Variants in RNF214 observed in about 807,000 individuals in gnomAD.
The protein encoded by RNF214 is ring finger protein 214.
Under a neutral mutation model 75.9 loss-of-function variants are expected in RNF214, and 25 were observed. The observed-to-expected ratio is 0.33, with a 90% CI of 0.24 to 0.46. RNF214 has a LOEUF of 0.46. Ranked by LOEUF, RNF214 falls within the 20% of genes least tolerant of loss-of-function variation. RNF214 has a pLI of 1.00. For synonymous variants in RNF214, 314 were observed against 308.8 expected (o/e 1.02, Z -0.18); for missense variants, 725 against 857.5 (o/e 0.85, Z 1.93).
chr11:117,269,860 A>G (rs1018884480), intron 6 of RNF214, among the ~76,000 whole-genome samples: 4 of 152,218 alleles, frequency 2.6e-5, no homozygotes, highest in African/African-American at 9.7e-5. Flanking sequence ...ATGTCATCAT[A>G]AGTTGAAACT....
At chr11:117,253,415 G>A (rs2033447346) in intron 6 of RNF214, among the ~76,000 whole-genome samples, 1 of 152,284 alleles carries the variant, frequency 6.6e-6, no homozygotes, top group South Asian at 2.1e-4. Flanking sequence ...CCTGGAAATT[G>A]TCTTGCTTTT....
intron 6 of RNF214, among the ~76,000 whole-genome samples, chr11:117,261,089 G>T (rs1195660914): frequency 2.6e-5 from 4 of 152,008 alleles, no homozygotes; most frequent in Admixed American, 6.6e-5. Flanking sequence ...GAATAGAAGT[G>T]GTAAAGTAGA....
At chr11:117,283,818 A>G (rs892551087) in intron 14 of RNF214, among the ~76,000 whole-genome samples, 5 of 150,466 alleles carry the variant, frequency 3.3e-5, no homozygotes, top group African/African-American at 7.4e-5. Context: ...ATGCCCAGCT[A>G]ATTTTTTTTT....
intron 6 of RNF214, among the ~76,000 whole-genome samples, chr11:117,247,936 A>C (rs1217723466): frequency 6.6e-6 from 1 of 152,134 alleles, no homozygotes; most frequent in Non-Finnish European, 1.5e-5. Context: ...TGTGTTATTC[A>C]GCATCCAAAG....
At position 117,282,247 on chromosome 11, in the gene RNF214, G is replaced by C; in HGVS notation, c.1689G>C (p.Leu563=). Reference sequence around the variant, plus strand: ...TGGAGAAGATCCTGGAGAAGCTGCTGACCCGGTTCCCACAGTGCAATAAGT... The same window carrying C: ...TGGAGAAGATCCTGGAGAAGCTGCTCACCCGGTTCCCACAGTGCAATAAGT... The part of the protein sequence containing the change: ...DKLEKILEKL[L]TRFPQCNKAQ... The change falls in exon 11 of 15, where the codon CTG becomes CTC. Residue 563 remains leucine, a synonymous_variant. Transcript: ENST00000300650. The C allele has an allele frequency of 1.2e-6, 2 of 1,600,280 alleles. No homozygotes were observed. Among genetic ancestry groups the C allele is most frequent in the Non-Finnish European group, 1.7e-6 (2 of 1,172,752 alleles).
At chr11:117,264,521 T>C (rs2134397218) in intron 6 of RNF214, among the ~76,000 whole-genome samples, 1 of 152,218 alleles carries the variant, frequency 6.6e-6, no homozygotes, top group South Asian at 2.1e-4. Flanking sequence ...CCCACAAAAA[T>C]TAAAAATTAA....
intron 6 of RNF214, among the ~76,000 whole-genome samples, chr11:117,278,608 A>G (rs1424983786): frequency 6.6e-6 from 1 of 152,204 alleles, no homozygotes; most frequent in Non-Finnish European, 1.5e-5. Flanking sequence ...AGAGTTGGTC[A>G]CTGTCATGCT....
At position 117,281,365 on chromosome 11, in the gene RNF214, G is replaced by A; in HGVS notation, c.1197G>A (p.Thr399=). ...ETVRSKQEWE[T]RLNGVRIMKK... is the part of the protein sequence containing the mutation. ...TTCGTTCCAAACAGGAGTGGGAGAC[G>A]AGACTGAATGGAGTTCGGATAATGA... Residue 399 remains threonine (T), a synonymous_variant, in exon 9 of 15, where the codon ACG becomes ACA. Transcript: ENST00000300650. The A allele has an allele frequency of 6.2e-7, 1 of 1,613,446 alleles. No individual in the cohort carries two copies. The highest frequency in any genetic ancestry group is 8.5e-7 in the Non-Finnish European group (1 of 1,179,610).
At position 117,234,340 on chromosome 11, in the gene RNF214, G is replaced by A; in HGVS notation, c.68G>A (p.Cys23Tyr). 1.2e-6 allele frequency: 2 copies of A among 1,614,170 alleles called. No individual in the cohort carries two copies. The highest frequency in any genetic ancestry group is 8.5e-7 in the Non-Finnish European group (1 of 1,180,006). ...APSPPESSSLCASKSDEGLPD... is the reference protein window; with the variant it reads ...APSPPESSSLYASKSDEGLPD... ...AGTCCTCCGGAATCTTCTAGTTTAT[G>A]TGCTTCCAAATCAGACGAAGGTCTC... Residue 23 changes from cysteine to tyrosine, a missense_variant, in exon 2 of 15, where the codon TGT becomes TAT. Cys to Tyr is a radical substitution (Grantham distance 194). This residue lies in a region of RNF214 where 362 missense variants were observed against 344.5 expected (regional missense o/e 1.05). Transcript: ENST00000300650.
intron 6 of RNF214, among the ~76,000 whole-genome samples, chr11:117,254,813 C>T (rs543910980): frequency 5.2e-4 from 79 of 152,074 alleles, no homozygotes; most frequent in African/African-American, 1.8e-3. Flanking sequence ...TTATTAGAGA[C>T]GGGGTTTCAT....
intron 6 of RNF214, among the ~76,000 whole-genome samples, chr11:117,250,435 GT>G (rs1365426096): frequency 6.6e-6 from 1 of 152,072 alleles, no homozygotes; most frequent in African/African-American, 2.4e-5. Context: ...TATTTTACAT[GT>G]GATTATGACA....
chr11:117,251,422 C>T (rs1313795277), intron 6 of RNF214, among the ~76,000 whole-genome samples: 14 of 131,688 alleles, frequency 1.1e-4, no homozygotes, highest in African/African-American at 2.2e-4. Context: ...GCTGGCCTGG[C>T]GGGGGGCTGA....
intron 6 of RNF214, among the ~76,000 whole-genome samples, chr11:117,256,491 G>A (rs2033525262): frequency 6.6e-6 from 1 of 152,102 alleles, no homozygotes; most frequent in African/African-American, 2.4e-5. Context: ...CATATCCCTG[G>A]CACATTGTGG....
rs536533582 is a variant in RNF214 at position 117,258,935 on chromosome 11, T to G, written c.959+11987T>G. Reference sequence around the variant, plus strand: ...CTTTTAATATTCATGTTGTCCGTTTTTACTGTGTTTATTCTATTTTATTTT... The same window carrying G: ...CTTTTAATATTCATGTTGTCCGTTTGTACTGTGTTTATTCTATTTTATTTT... On this transcript the variant is annotated intron_variant, in intron 6 of 14. Coordinates refer to ENST00000300650, the MANE Select transcript of RNF214 (RefSeq NM_207343.4). 1.1e-4 allele frequency among the ~76,000 whole-genome samples: 17 copies of G among 152,340 alleles called. No individual in the cohort carries two copies. In the South Asian group the frequency reaches 3.5e-3, roughly 32 times the overall value.
At chr11:117,268,809 G>T (rs1460551194) in intron 6 of RNF214, among the ~76,000 whole-genome samples, 1 of 152,142 alleles carries the variant, frequency 6.6e-6, no homozygotes, top group African/African-American at 2.4e-5. Context: ...TGAGTCTTCT[G>T]ATTCATGAAC....
intron 7 of RNF214, 57 bp from the exon 8 acceptor site, chr11:117,280,114 A>G (rs1274586828): frequency 2.0e-6 from 3 of 1,502,180 alleles, no homozygotes; most frequent in Non-Finnish European, 2.8e-6. Flanking sequence ...CACTACCTAG[A>G]GGTACCTTTG....
rs140991641 is a variant in RNF214, at chr11:117,240,780, G to A, written c.678+920G>A. Reference sequence around the variant, plus strand: ...CTTCAGGCCGGGCGCGGTGACTCACGCCTGTAATCCTAGCACTTTCAGAGG... The same window carrying A: ...CTTCAGGCCGGGCGCGGTGACTCACACCTGTAATCCTAGCACTTTCAGAGG... On this transcript the variant is annotated intron_variant, in intron 4 of 14. Transcript: ENST00000300650. Among the ~76,000 whole-genome samples, 987 of 152,246 alleles carry A rather than the reference G, an allele frequency of 6.5e-3. 11 individuals carry two copies. Among genetic ancestry groups the A allele is most frequent in the African/African-American group, 0.022 (928 of 41,546 alleles).
chr11:117,282,063 C>T lies in RNF214; in HGVS notation c.1505C>T (p.Pro502Leu), dbSNP rs752739002. The T allele has an allele frequency of 5.6e-6, 9 of 1,614,000 alleles. No homozygotes were observed. In the African/African-American group the frequency reaches 9.3e-5, roughly 17 times the overall value. Reference protein sequence around the residue: ...ALSQPSQPSSPLPGSHGRNSP... With the variant: ...ALSQPSQPSSLLPGSHGRNSP... The stretch of plus-strand genomic sequence containing the variant: ...TCCCAGCCCAGCCAGCCTTCCTCAC[C>T]CCTTCCTGGCTCCCATGGCAGAAAT... Residue 502 changes from proline to leucine, a missense_variant, in exon 11 of 15, where the codon CCC becomes CTC. Physicochemically the swap from Pro to Leu is moderately conservative, Grantham distance 98. Around this residue, in one of 2 missense-constraint regions of RNF214, gnomAD observed 363 missense variants for 513.0 expected, o/e 0.71. Transcript: ENST00000300650.
chr11:117,282,348 G>T (rs2034145867), intron 11 of RNF214, 56 bp from the exon 12 acceptor site: 6 of 1,599,648 alleles, frequency 3.8e-6, no homozygotes, highest in Non-Finnish European at 3.4e-6. Context: ...GGTTACATGG[G>T]TGTTCCCCGT....
Sources: gnomAD v4.1 joint callset for allele counts (sites outside exome capture counted in the v4.1 genomes callset) on GRCh38, gnomAD v4.1.1 for gene constraint, gnomAD v4.1.1 regional missense constraint, MANE v1.5 for transcripts, NCBI Gene and HGNC (gene_info 2026-07-23, HGNC 2026-07-21) for gene names.